Variants in CFTR observed in about 807,000 individuals in gnomAD.
CFTR encodes the protein cystic fibrosis transmembrane conductance regulator.
A neutral mutation model predicts 171.6 loss-of-function variants in CFTR; 181 were observed. The ratio of observed to expected loss-of-function variants is 1.05; its 90% CI spans 0.93 to 1.19. The LOEUF (loss-of-function observed/expected upper bound fraction) is 1.19. Ranked by LOEUF, CFTR falls within the 50% of genes most tolerant of loss-of-function variation. The probability of loss-of-function intolerance (pLI) is 0.00; values close to 1 mark genes in which losing one functional copy is unlikely to be tolerated. For synonymous variants in CFTR, 583 were observed against 608.0 expected, an observed-to-expected ratio of 0.96 and a Z score of 0.60; for missense variants, 1,968 against 1,734.7, an observed-to-expected ratio of 1.13 and a Z score of -2.39.
intron 11 of CFTR, among the ~76,000 whole-genome samples, chr7:117,570,219 A>C (rs1486072908): frequency 6.6e-6 from 1 of 151,918 alleles, no homozygotes; most frequent in Non-Finnish European, 1.5e-5. Context: ...AAACAAAAAA[A>C]CAAAAAACCC....
chr7:117,524,122 A>G (rs1798730473), intron 3 of CFTR, among the ~76,000 whole-genome samples: 1 of 152,220 alleles, frequency 6.6e-6, no homozygotes. Context: ...TAGCAGATAA[A>G]TGAGTTCTGA....
chr7:117,525,328 T>G lies in CFTR; in HGVS notation c.274-5571T>G, dbSNP rs1023485515. On this transcript the variant is annotated intron_variant, in intron 3 of 26. Transcript: ENST00000003084. The stretch of plus-strand genomic sequence containing the variant: ...TATGTGGTCAATTTTGGAATAGGTG[T>G]GGTGTGGTGCTGAAAAAAATGTATA... Among the ~76,000 whole-genome samples, 14 of 149,154 alleles carry G rather than the reference T, an allele frequency of 9.4e-5. 1 individual carries two copies. The highest frequency in any genetic ancestry group is 1.3e-4 in the Admixed American group (2 of 14,852).
rs1181846000 is a variant in CFTR, at chr7:117,509,101, T to C, written c.232T>C (p.Phe78Leu). Residue 78 changes from phenylalanine (F) to leucine (L), a missense_variant, in exon 3 of 27, where the codon TTC (phenylalanine) becomes CTC (leucine). Phe to Leu is a conservative substitution (Grantham distance 22). Transcript: ENST00000003084. ...CATTAATGCCCTTCGGCGATGTTTT[T>C]TCTGGAGATTTATGTTCTATGGAAT... ...KLINALRRCFFWRFMFYGIFL... is the reference protein window; with the variant it reads ...KLINALRRCFLWRFMFYGIFL... 2.5e-6 allele frequency: 4 copies of C among 1,611,518 alleles called. No homozygotes were observed. The African/African-American group carries it at 4.0e-5, about 16-fold the overall frequency.
At chr7:117,529,084 C>T (rs1798810439) in intron 3 of CFTR, among the ~76,000 whole-genome samples, 1 of 66,878 alleles carries the variant, frequency 1.5e-5, no homozygotes, top group African/African-American at 1.2e-4. Flanking sequence ...TATTGCGGCA[C>T]TATTCACAAT....
At chr7:117,565,111 G>A (rs983737310) in intron 11 of CFTR, among the ~76,000 whole-genome samples, 2 of 152,068 alleles carry the variant, frequency 1.3e-5, no homozygotes, top group African/African-American at 2.4e-5. Context: ...ATACTATTAC[G>A]TATCCCTGTG....
At chr7:117,618,000 A>G (rs1175196815) in intron 21 of CFTR, among the ~76,000 whole-genome samples, 1 of 152,054 alleles carries the variant, frequency 6.6e-6, no homozygotes, top group Non-Finnish European at 1.5e-5. Flanking sequence ...TGTCTCCCTT[A>G]ACAGCTCCAG....
intron 11 of CFTR, among the ~76,000 whole-genome samples, chr7:117,571,246 C>G (rs1791682706): frequency 6.6e-6 from 1 of 152,070 alleles, no homozygotes; most frequent in Non-Finnish European, 1.5e-5. Flanking sequence ...ATCTAAATTA[C>G]AAAGCAGAAG....
In CFTR at chr7:117,667,203, C is replaced by G. The variant is rs1252347718; in HGVS notation, c.*95C>G. 1.8e-6 allele frequency: 2 copies of G among 1,121,256 alleles called. No individual in the cohort carries two copies. The highest frequency in any genetic ancestry group is 2.7e-6 in the Non-Finnish European group (2 of 748,942). 69.5% of individuals were successfully genotyped at this position (1,121,256 alleles called of 1,614,324 possible). A position where few individuals can be genotyped will look rare whatever the true frequency, so the allele number is the denominator to read the frequency against. On this transcript the variant is annotated 3_prime_UTR_variant, in exon 27 of 27. Transcript: ENST00000003084. ...GAATTGGAGCTCGTGGAACAGTTACCTCTGCCTCAGAAAACAAGGATGAAT... is the reference window on the plus strand; with the variant it reads ...GAATTGGAGCTCGTGGAACAGTTACGTCTGCCTCAGAAAACAAGGATGAAT...
Position 117,602,814 on chromosome 7 carries a change from G to C in CFTR, c.2620-12G>C, listed in dbSNP as rs760088331. The stretch of plus-strand genomic sequence containing the variant: ...TTAGAAAAAAAATCAACTGTGTCTT[G>C]TTCCATTCCAGGTGGCTGCTTCTTT... On this transcript the variant is annotated splice_polypyrimidine_tract_variant and intron_variant, in intron 15 of 26. Coordinates refer to ENST00000003084, the MANE Select transcript of CFTR (RefSeq NM_000492.4). 1 of 1,613,450 alleles carries C rather than the reference G, an allele frequency of 6.2e-7. No individual in the cohort carries two copies. Among genetic ancestry groups the C allele is most frequent in the African/African-American group, 1.3e-5 (1 of 75,028 alleles).
intron 21 of CFTR, among the ~76,000 whole-genome samples, chr7:117,617,372 T>C (rs1330175601): frequency 6.6e-6 from 1 of 151,688 alleles, no homozygotes; most frequent in African/African-American, 2.4e-5. Flanking sequence ...TTAGATAACA[T>C]TTAACGTTAA....
At chr7:117,649,933 A>G (rs1793063179) in intron 23 of CFTR, among the ~76,000 whole-genome samples, 1 of 152,036 alleles carries the variant, frequency 6.6e-6, no homozygotes. Context: ...TGGCCATGGG[A>G]AGAAGGTAGG....
chr7:117,624,212 A>C (rs1300153591), intron 21 of CFTR, among the ~76,000 whole-genome samples: 1 of 152,146 alleles, frequency 6.6e-6, no homozygotes, highest in Non-Finnish European at 1.5e-5. Context: ...CTGGGTTCTA[A>C]GTGGAGTTTA....
At chr7:117,540,018 T>C (rs1257564634) in intron 7 of CFTR, 82 bp from the exon 8 acceptor site, 2 of 1,186,936 alleles carry the variant, frequency 1.7e-6, no homozygotes, top group African/African-American at 1.5e-5. Context: ...CTAGAGACCA[T>C]GCTCAGATCT....
At chr7:117,631,671 C>G (rs1792749457) in intron 22 of CFTR, among the ~76,000 whole-genome samples, 1 of 152,190 alleles carries the variant, frequency 6.6e-6, no homozygotes, top group Admixed American at 6.5e-5. Flanking sequence ...CACAGAATCT[C>G]TGTTCCCCTT....
At chr7:117,510,225 G>A (rs928219119) in intron 3 of CFTR, among the ~76,000 whole-genome samples, 2 of 152,072 alleles carry the variant, frequency 1.3e-5, no homozygotes, top group East Asian at 1.9e-4. Flanking sequence ...ATTTAAATGA[G>A]GTAGCTGGAT....
chr7:117,664,828 G>T lies in CFTR; in HGVS notation c.4104G>T (p.Leu1368=). 6.2e-7 allele frequency: 1 copy of T among 1,614,008 alleles called. No homozygotes were observed. Among genetic ancestry groups the T allele is most frequent in the Non-Finnish European group, 8.5e-7 (1 of 1,179,914 alleles). Residue 1368 remains leucine, a synonymous_variant, in exon 25 of 27, where the codon CTG becomes CTT. Transcript: ENST00000003084. ...TTCTCAGTAAGGCGAAGATCTTGCTGCTTGATGAACCCAGTGCTCATTTGG... is the reference window on the plus strand; with the variant it reads ...TTCTCAGTAAGGCGAAGATCTTGCTTCTTGATGAACCCAGTGCTCATTTGG... ...RSVLSKAKIL[L]LDEPSAHLDP...
In CFTR at chr7:117,535,341, T is replaced by C. The variant is rs397508780; in HGVS notation, c.673T>C (p.Cys225Arg). Residue 225 changes from cysteine to arginine, a missense_variant, in exon 6 of 27, where the codon TGT (cysteine) becomes CGT (arginine). Coordinates refer to ENST00000003084, the MANE Select transcript of CFTR (RefSeq NM_000492.4). ...GGAGTTGTTACAGGCGTCTGCCTTC[T>C]GTGGACTTGGTTTCCTGATAGTCCT... ...IWELLQASAF[C>R]GLGFLIVLAL... The C allele has an allele frequency of 6.2e-7, 1 of 1,614,178 alleles. No individual in the cohort carries two copies. Among genetic ancestry groups the C allele is most frequent in the African/African-American group, 1.3e-5 (1 of 75,054 alleles).
At chr7:117,493,366 A>G (rs968643440) in intron 1 of CFTR, among the ~76,000 whole-genome samples, 1 of 152,086 alleles carries the variant, frequency 6.6e-6, no homozygotes. Flanking sequence ...TATGAAAAAA[A>G]AGATGTAAAT....
intron 19 of CFTR, 99 bp from the exon 20 acceptor site, chr7:117,611,482 A>G (rs920543025): frequency 1.3e-6 from 1 of 778,044 alleles, no homozygotes. Context: ...CATTTGTGAT[A>G]TGATTATTCT....
Sources: allele counts gnomAD v4.1 joint callset (sites outside exome capture counted in the v4.1 genomes callset), GRCh38; gene constraint gnomAD v4.1.1; transcripts MANE v1.5; gene names NCBI Gene and HGNC (gene_info 2026-07-23, HGNC 2026-07-21).